Variants in ATRNL1 observed in about 807,000 individuals in gnomAD.
The protein encoded by ATRNL1 is attractin like 1, also known as attractin-like protein 1.
Under a neutral mutation model 182.7 loss-of-function variants are expected in ATRNL1, and 95 were observed. That is an observed-to-expected ratio of 0.52 (90% CI 0.44 to 0.62). ATRNL1 has a LOEUF of 0.62. Among genes scored for constraint, ATRNL1 ranks in the 20% least tolerant of loss-of-function variants. The pLI, the probability that ATRNL1 is intolerant of heterozygous loss-of-function variation, is 0.00. For missense variants in ATRNL1, 1,471 were observed against 1,679.5 expected, an observed-to-expected ratio of 0.88 and a Z score of 2.17; for synonymous variants, 576 against 568.3, an observed-to-expected ratio of 1.01 and a Z score of -0.19.
chr10:115,781,225 G>A (rs138120508), intron 27 of ATRNL1, among the ~76,000 whole-genome samples: 3 of 152,282 alleles, frequency 2.0e-5, no homozygotes, highest in East Asian at 3.9e-4. Context: ...AAGATGTGAA[G>A]CACCCATAAA....
At chr10:115,354,627 T>C (rs1310378990) in intron 19 of ATRNL1, among the ~76,000 whole-genome samples, 2 of 152,160 alleles carry the variant, frequency 1.3e-5, no homozygotes, top group African/African-American at 4.8e-5. Context: ...TCTTTCATCT[T>C]TGACCTTTGA....
At chr10:115,834,793 T>C (rs1950632709) in intron 27 of ATRNL1, among the ~76,000 whole-genome samples, 1 of 152,210 alleles carries the variant, frequency 6.6e-6, no homozygotes, top group African/African-American at 2.4e-5. Context: ...CTCTGCTGTG[T>C]ATTTTCTTGC....
intron 19 of ATRNL1, among the ~76,000 whole-genome samples, chr10:115,376,877 A>AT (rs1486671408): frequency 6.6e-6 from 1 of 152,034 alleles, no homozygotes; most frequent in Non-Finnish European, 1.5e-5. Flanking sequence ...TGTCACATAG[A>AT]TTCCTTATGC....
chr10:115,606,905 T>C (rs1364300383), intron 26 of ATRNL1, among the ~76,000 whole-genome samples: 2 of 151,982 alleles, frequency 1.3e-5, no homozygotes, highest in Non-Finnish European at 2.9e-5. Context: ...GTCACTAAGA[T>C]GGTGTCATAA....
rs375685734 is a variant in ATRNL1, at chr10:115,161,980, A to G, written c.1004+1766A>G. Among the ~76,000 whole-genome samples the G allele has an allele frequency of 1.1e-4, 17 of 148,850 alleles. No individual in the cohort carries two copies. In the South Asian group the frequency reaches 3.5e-3, roughly 31 times the overall value. On this transcript the variant is annotated intron_variant, in intron 6 of 28. Transcript: ENST00000355044. ...GCTCTGTGTTAGTGTCTATTAAATT[A>G]GAAAGACTTTTACAGAATATATATA...
intron 20 of ATRNL1, among the ~76,000 whole-genome samples, chr10:115,404,061 A>T (rs1462825150): frequency 6.6e-6 from 1 of 152,200 alleles, no homozygotes; most frequent in Non-Finnish European, 1.5e-5. Context: ...ATGTTTTGGT[A>T]ACAAGTCTAA....
Position 115,334,154 on chromosome 10 carries a change from A to G in ATRNL1, c.3038-128A>G, listed in dbSNP as rs141940076. The G allele has an allele frequency of 5.6e-4, 299 of 535,436 alleles. 1 individual carries two copies. The highest frequency in any genetic ancestry group is 4.9e-3 in the African/African-American group (259 of 52,518). 33.2% of individuals were successfully genotyped at this position (535,436 alleles called of 1,614,324 possible). ...AGCTATATGTGTTATTAATTTTTAA[A>G]CAAAACTTGGAAGATGCTCTTTGGG... On this transcript the variant is annotated intron_variant, in intron 18 of 28. Coordinates refer to ENST00000355044, the MANE Select transcript of ATRNL1 (RefSeq NM_207303.4).
At chr10:115,750,599 G>A (rs187780048) in intron 27 of ATRNL1, among the ~76,000 whole-genome samples, 2 of 151,634 alleles carry the variant, frequency 1.3e-5, no homozygotes, top group East Asian at 3.9e-4. Context: ...AAAGGAAAAG[G>A]CTAATAAAGG....
chr10:115,259,998 T>C lies in ATRNL1; in HGVS notation c.1688-5195T>C, dbSNP rs566098089. ...TTGTATGTAATTCTTTTTTAAACTT[T>C]TAGTATAATTGAAGATGATGTCTTG... On this transcript the variant is annotated intron_variant, in intron 10 of 28. Transcript: ENST00000355044. 8.6e-5 allele frequency among the ~76,000 whole-genome samples: 13 copies of C among 151,254 alleles called. No individual in the cohort carries two copies. The South Asian group carries it at 2.7e-3, about 32-fold the overall frequency.
intron 24 of ATRNL1, among the ~76,000 whole-genome samples, chr10:115,509,671 C>A (rs539837450): frequency 3.3e-5 from 5 of 152,052 alleles, no homozygotes; most frequent in African/African-American, 1.2e-4. Context: ...GCCAATTAAG[C>A]CCCTTTTCTT....
chr10:115,469,283 C>A lies in ATRNL1; in HGVS notation c.3608C>A (p.Thr1203Lys). The change falls in exon 24 of 29, where the codon ACA becomes AAA. Residue 1203 changes from threonine to lysine, a missense_variant. By Grantham distance (78) the Thr-to-Lys change is moderately conservative (BLOSUM62 -1). Coordinates refer to ENST00000355044, the MANE Select transcript of ATRNL1 (RefSeq NM_207303.4). ...KFNFRSNPNI[T>K]FYVYVSNFSW... ...AACTTTAGAAGCAATCCTAACATTA[C>A]ATTCTATGTGTACGTCAGCAACTTT... The A allele has an allele frequency of 6.5e-7, 1 of 1,537,756 alleles. No individual in the cohort carries two copies. Among genetic ancestry groups the A allele is most frequent in the Non-Finnish European group, 8.7e-7 (1 of 1,144,710 alleles).
chr10:115,131,382 A>C (rs1421624970), intron 5 of ATRNL1, among the ~76,000 whole-genome samples: 1 of 152,100 alleles, frequency 6.6e-6, no homozygotes, highest in Non-Finnish European at 1.5e-5. Context: ...TTCTGAATTG[A>C]TATGTTTGAA....
At chr10:115,232,064 G>C (rs1554900137) in intron 9 of ATRNL1, among the ~76,000 whole-genome samples, 1 of 152,032 alleles carries the variant, frequency 6.6e-6, no homozygotes, top group African/African-American at 2.4e-5. Context: ...ACTATTATGA[G>C]CAATTGTAGC....
At chr10:115,621,254 A>AATATATATATATATATAT (rs781830067) in intron 26 of ATRNL1, among the ~76,000 whole-genome samples, 31 of 71,284 alleles carry the variant, frequency 4.3e-4, no homozygotes, top group African/African-American at 4.2e-4. Context: ...TTGAGCTCTG[A>AATATATATATATATATAT]ATATATATAT....
chr10:115,419,829 T>G (rs2034075942), intron 20 of ATRNL1, among the ~76,000 whole-genome samples: 1 of 152,032 alleles, frequency 6.6e-6, no homozygotes, highest in Non-Finnish European at 1.5e-5. Context: ...GTAGGGGACT[T>G]CAACACTCCA....
At chr10:115,147,013 T>C (rs1190146652) in intron 5 of ATRNL1, among the ~76,000 whole-genome samples, 8 of 152,156 alleles carry the variant, frequency 5.3e-5, no homozygotes, top group African/African-American at 1.9e-4. Flanking sequence ...CTGGATCATA[T>C]GATAGTTCTA....
intron 26 of ATRNL1, among the ~76,000 whole-genome samples, chr10:115,603,464 A>G (rs1265423184): frequency 3.9e-5 from 6 of 152,218 alleles, no homozygotes; most frequent in Non-Finnish European, 7.3e-5. Context: ...CGATGCTCCT[A>G]GTACCCATAT....
chr10:115,677,881 C>T (rs1468980848), intron 26 of ATRNL1, among the ~76,000 whole-genome samples: 1 of 151,964 alleles, frequency 6.6e-6, no homozygotes, highest in Non-Finnish European at 1.5e-5. Context: ...ATATATATAG[C>T]CCAGGTGCTA....
intron 8 of ATRNL1, among the ~76,000 whole-genome samples, chr10:115,187,485 A>G (rs1048228042): frequency 6.6e-6 from 1 of 152,130 alleles, no homozygotes; most frequent in Non-Finnish European, 1.5e-5. Flanking sequence ...CAACAAATGC[A>G]TGAGAACTGG....
Sources: gnomAD v4.1 joint callset for allele counts (sites outside exome capture counted in the v4.1 genomes callset) on GRCh38, gnomAD v4.1.1 for gene constraint, MANE v1.5 for transcripts, NCBI Gene and HGNC (gene_info 2026-07-23, HGNC 2026-07-21) for gene names.